TTC8: variants seen among roughly 807,000 people sequenced by gnomAD.
The protein encoded by TTC8 is tetratricopeptide repeat protein 8.
Under a neutral mutation model 72.5 loss-of-function variants are expected in TTC8, and 47 were observed. That is an observed-to-expected ratio of 0.65 (90% CI 0.51 to 0.83). The LOEUF (loss-of-function observed/expected upper bound fraction) is 0.83, where lower values mean the gene tolerates loss of function less well. Among genes scored for constraint, TTC8 ranks in the 40% least tolerant of loss-of-function variants. The pLI is 0.00. For synonymous variants in TTC8, 199 were observed against 221.4 expected, an observed-to-expected ratio of 0.90 and a Z score of 0.90; for missense variants, 611 against 623.2, an observed-to-expected ratio of 0.98 and a Z score of 0.21.
intron 10 of TTC8, among the ~76,000 whole-genome samples, chr14:88,868,489 T>C (rs11159874): frequency 0.34 from 51,463 of 152,090 alleles, 8,986 homozygotes; most frequent in Non-Finnish European, 0.39. Flanking sequence ...TGTTTATTAA[T>C]TTTTCAGTTT....
rs532239288 is a variant in TTC8, at chr14:88,834,942, C to T, written c.144+1220C>T. 9.2e-5 allele frequency among the ~76,000 whole-genome samples: 14 copies of T among 152,228 alleles called. 1 individual carries two copies. The South Asian group carries it at 2.3e-3, about 25-fold the overall frequency. On this transcript the variant is annotated intron_variant, in intron 2 of 14. Coordinates refer to ENST00000380656, the MANE Select transcript of TTC8 (RefSeq NM_144596.4). ...TTCTGTTTGTATAGACTTAATTATT[C>T]ACTGGATAATGATACAAAAGGGAAC...
chr14:88,840,824 A>G lies in TTC8; in HGVS notation c.266-41A>G, dbSNP rs1480786615. 5.7e-6 allele frequency: 9 copies of G among 1,588,794 alleles called. No individual in the cohort carries two copies. The Admixed American group carries it at 8.4e-5, about 15-fold the overall frequency. On this transcript the variant is annotated intron_variant, in intron 3 of 14. Coordinates refer to ENST00000380656, the MANE Select transcript of TTC8 (RefSeq NM_144596.4). The stretch of plus-strand genomic sequence containing the variant: ...ATTAGCTTACAGTTTTTACAGATTA[A>G]TAGATAATATATAAATTGTATTAGC...
In TTC8 at chr14:88,841,117, A is replaced by C. The variant is rs1337021580; in HGVS notation, c.410A>C (p.Gln137Pro). Residue 137 changes from glutamine (Q) to proline (P), a missense_variant, in exon 5 of 15, where the codon CAG becomes CCG. Gln to Pro is a moderately conservative substitution (Grantham distance 76). Transcript: ENST00000380656. The stretch of plus-strand genomic sequence containing the variant: ...AGTGGAAGGCCAGGCACTATGGAAC[A>C]GGCTATCAGAACACCCAGAACCGCC... ...TQSGRPGTME[Q>P]AIRTPRTAYT... 6.2e-7 allele frequency: 1 copy of C among 1,614,148 alleles called. No individual in the cohort carries two copies. The highest frequency in any genetic ancestry group is 8.5e-7 in the Non-Finnish European group (1 of 1,180,026).
chr14:88,871,047 C>T lies in TTC8; in HGVS notation c.1050-502C>T, dbSNP rs535748886. Among the ~76,000 whole-genome samples the T allele has an allele frequency of 5.3e-5, 8 of 152,188 alleles. No homozygotes were observed. Among genetic ancestry groups the T allele is most frequent in the East Asian group, 1.9e-4 (1 of 5,198 alleles). On this transcript the variant is annotated intron_variant, in intron 11 of 14. Coordinates refer to ENST00000380656, the MANE Select transcript of TTC8 (RefSeq NM_144596.4). This position sits in a 1 kb window ranked among gnomAD's most constrained non-coding sequence, Gnocchi z 4.1. Reference sequence around the variant, plus strand: ...GAGCTAAGTGGATAATGTAAGGATCCGCTGATGGTCTTGTCTTCCTCAGTG... The same window carrying T: ...GAGCTAAGTGGATAATGTAAGGATCTGCTGATGGTCTTGTCTTCCTCAGTG...
intron 7 of TTC8, among the ~76,000 whole-genome samples, chr14:88,852,207 C>T (rs1023907072): frequency 5.3e-5 from 8 of 152,126 alleles, no homozygotes; most frequent in Non-Finnish European, 7.4e-5. Flanking sequence ...TTCCCTTTGT[C>T]AAAAATGGTT....
chr14:88,862,424 G>T (rs2094889886), intron 10 of TTC8, among the ~76,000 whole-genome samples: 1 of 148,118 alleles, frequency 6.8e-6, no homozygotes, highest in Non-Finnish European at 1.5e-5. Context: ...CTATAACATT[G>T]GTATAAGAAT....
intron 10 of TTC8, among the ~76,000 whole-genome samples, chr14:88,869,507 A>AT (rs1287959333): frequency 6.6e-6 from 1 of 152,070 alleles, no homozygotes; most frequent in Non-Finnish European, 1.5e-5. Context: ...TAGAAAAAAA[A>AT]AAATCTGAAG....
chr14:88,833,758 G>A (rs1294645185), intron 2 of TTC8, 36 bp downstream of exon 2: 1 of 1,599,598 alleles, frequency 6.3e-7, no homozygotes, highest in Non-Finnish European at 8.6e-7. Context: ...TTAGTTTAGA[G>A]AATTCTTTAA....
intron 10 of TTC8, among the ~76,000 whole-genome samples, chr14:88,861,939 A>G (rs955806664): frequency 1.3e-5 from 2 of 152,194 alleles, no homozygotes; most frequent in African/African-American, 2.4e-5. Context: ...TAGTGCTGCA[A>G]TAAACATGGG....
chr14:88,879,412 TATC>T (rs1455126554), downstream of TTC8: 1 of 152,186 alleles, frequency 6.6e-6, no homozygotes, highest in African/African-American at 2.4e-5. Flanking sequence ...CCAAAATTCA[TATC>T]ATCGAGCATA....
At chr14:88,841,340 G>A in intron 5 of TTC8, 85 bp from the exon 6 acceptor site, 1 of 1,592,860 alleles carries the variant, frequency 6.3e-7, no homozygotes. Flanking sequence ...TATTTATGTT[G>A]CCTTTATATT....
At chr14:88,854,254 CT>C (rs1475888244) in intron 8 of TTC8, among the ~76,000 whole-genome samples, 12 of 152,322 alleles carry the variant, frequency 7.9e-5, no homozygotes, top group Admixed American at 5.2e-4. Context: ...ACTCTGATTC[CT>C]TTTGCCATCC....
At chr14:88,850,106 T>C (rs2094826723) in intron 7 of TTC8, among the ~76,000 whole-genome samples, 1 of 152,198 alleles carries the variant, frequency 6.6e-6, no homozygotes, top group Non-Finnish European at 1.5e-5. Flanking sequence ...CATCCAAAAA[T>C]CATTAAAGTC....
chr14:88,878,199 A>G (rs1244920194), downstream of TTC8: 1 of 152,228 alleles, frequency 6.6e-6, no homozygotes, highest in Non-Finnish European at 1.5e-5. Context: ...ACAGGCCAGG[A>G]GTCCCACTTC....
In TTC8 at chr14:88,875,077, C is replaced by A. The variant is rs759772798; in HGVS notation, c.1399C>A (p.Pro467Thr). ...ATCATTAGCACCCCATATGTATGAACCGCATTTTAATTTTGCAACAATCTC... is the reference window on the plus strand; with the variant it reads ...ATCATTAGCACCCCATATGTATGAAACGCATTTTAATTTTGCAACAATCTC... The part of the protein sequence containing the change: ...ASSLAPHMYE[P>T]HFNFATISDK... The change falls in exon 14 of 15, where the codon CCG becomes ACG. Residue 467 changes from proline to threonine, a missense_variant. Pro to Thr is a conservative substitution (Grantham distance 38, BLOSUM62 -1). Coordinates refer to ENST00000380656, the MANE Select transcript of TTC8 (RefSeq NM_144596.4). 6.2e-7 allele frequency: 1 copy of A among 1,612,806 alleles called. No homozygotes were observed. Among genetic ancestry groups the A allele is most frequent in the Non-Finnish European group, 8.5e-7 (1 of 1,179,490 alleles).
intron 2 of TTC8, among the ~76,000 whole-genome samples, chr14:88,838,453 C>T (rs915215750): frequency 2.6e-5 from 4 of 152,144 alleles, no homozygotes; most frequent in Admixed American, 2.6e-4. Flanking sequence ...CTTCACTGAG[C>T]CTGCTTGACA....
rs775452494 is a variant in TTC8 at position 88,857,226 on chromosome 14, A to G, written c.747A>G (p.Lys249=). 3 of 1,613,928 alleles carry G rather than the reference A, an allele frequency of 1.9e-6. No individual in the cohort carries two copies. The highest frequency in any genetic ancestry group is 4.5e-5 in the East Asian group (2 of 44,854). The change falls in exon 9 of 15, where the codon AAA becomes AAG. Residue 249 remains lysine (K), a synonymous_variant. Transcript: ENST00000380656. ...ATCGTGAAGCAGAAAAACAGTTTAAATCAGCCCTGAAGCAGCAGGAAATGG... is the reference window on the plus strand; with the variant it reads ...ATCGTGAAGCAGAAAAACAGTTTAAGTCAGCCCTGAAGCAGCAGGAAATGG... ...GMYREAEKQF[K]SALKQQEMVD...
chr14:88,858,397 G>A (rs2094867258), intron 9 of TTC8, among the ~76,000 whole-genome samples: 1 of 152,176 alleles, frequency 6.6e-6, no homozygotes, highest in South Asian at 2.1e-4. Context: ...TGTGGTAAAG[G>A]AGATTCAAAA....
Position 88,872,194 on chromosome 14 carries a change from G to A in TTC8, c.1225-136G>A, listed in dbSNP as rs898743787. Reference sequence around the variant, plus strand: ...ATATTCTTAGGTTAAATCCACTTACGTAGAATTCACATTGACTTCTATAAT... The same window carrying A: ...ATATTCTTAGGTTAAATCCACTTACATAGAATTCACATTGACTTCTATAAT... On this transcript the variant is annotated intron_variant, in intron 12 of 14. Coordinates refer to ENST00000380656, the MANE Select transcript of TTC8 (RefSeq NM_144596.4). 34 of 1,279,076 alleles carry A rather than the reference G, an allele frequency of 2.7e-5. No homozygotes were observed. In the East Asian group the frequency reaches 3.6e-4, roughly 13 times the overall value. 79.2% of individuals were successfully genotyped at this position (1,279,076 alleles called of 1,614,324 possible).
Sources: allele counts gnomAD v4.1 joint callset (sites outside exome capture counted in the v4.1 genomes callset), GRCh38; gene constraint gnomAD v4.1.1; non-coding constraint Gnocchi (gnomAD v3.1); transcripts MANE v1.5; gene names NCBI Gene and HGNC (gene_info 2026-07-23, HGNC 2026-07-21).